The following GRM7 variants were observed in gnomAD, a reference collection of about 807,000 sequenced individuals.
GRM7 encodes the protein metabotropic glutamate receptor 7.
In GRM7, 35 loss-of-function variants were observed where a neutral mutation model predicts 84.5. The ratio of observed to expected loss-of-function variants is 0.41; its 90% confidence interval spans 0.32 to 0.55. The LOEUF is 0.55. GRM7 is among the 20% of genes least tolerant of loss of function. GRM7 has a pLI of 0.19. For synonymous variants in GRM7, 487 were observed against 455.1 expected, an observed-to-expected ratio of 1.07 and a Z score of -0.89; for missense variants, 1,003 against 1,194.6, an observed-to-expected ratio of 0.84 and a Z score of 2.36.
intron 1 of GRM7, among the ~76,000 whole-genome samples, chr3:6,997,971 T>C (rs1694879557): frequency 6.6e-6 from 1 of 151,224 alleles, no homozygotes; most frequent in East Asian, 1.9e-4. Flanking sequence ...AATATAAAAT[T>C]AGCTGGGTGT....
intron 5 of GRM7, 123 bp from the exon 6 acceptor site, chr3:7,452,484 T>G (rs11717759): frequency 0.012 from 8,331 of 705,998 alleles, 85 homozygotes; most frequent in Non-Finnish European, 0.016. Context: ...ATTACTGTAT[T>G]TATCGAAGCA....
At chr3:7,422,155 T>C (rs1213112386) in intron 5 of GRM7, among the ~76,000 whole-genome samples, 1 of 152,076 alleles carries the variant, frequency 6.6e-6, no homozygotes, top group Non-Finnish European at 1.5e-5. Flanking sequence ...TCCCTTTAGA[T>C]CAGGGCAGTG....
At chr3:7,607,906 C>G (rs1450717709) in intron 8 of GRM7, 2 of 167,946 alleles carry the variant, frequency 1.2e-5, no homozygotes, top group Non-Finnish European at 2.7e-5. Context: ...CAAGTAGGCC[C>G]CAGTGTCTTT....
chr3:7,332,961 C>A (rs1016048126), intron 4 of GRM7, among the ~76,000 whole-genome samples: 1 of 152,096 alleles, frequency 6.6e-6, no homozygotes, highest in East Asian at 1.9e-4. Flanking sequence ...AGGTACTTAT[C>A]CTAGCCAATG....
intron 2 of GRM7, among the ~76,000 whole-genome samples, chr3:7,233,547 A>G (rs1559517032): frequency 6.6e-6 from 1 of 152,158 alleles, no homozygotes; most frequent in Non-Finnish European, 1.5e-5. Context: ...CTGAGGAGAT[A>G]TAATAAAAGT....
At chr3:7,514,685 A>G (rs990015641) in intron 7 of GRM7, among the ~76,000 whole-genome samples, 1 of 152,138 alleles carries the variant, frequency 6.6e-6, no homozygotes, top group Non-Finnish European at 1.5e-5. Context: ...CCTTGTAAAA[A>G]CTATGGGGCT....
chr3:7,517,360 CTAT>C (rs71066017), intron 7 of GRM7, among the ~76,000 whole-genome samples: 41,586 of 88,980 alleles, frequency 0.47, 6,230 homozygotes, highest in East Asian at 0.54. Flanking sequence ...ACAGTGGTTA[CTAT>C]TATTATTAGT....
chr3:7,508,967 C>T (rs188786469), intron 7 of GRM7, among the ~76,000 whole-genome samples: 44 of 152,270 alleles, frequency 2.9e-4, no homozygotes, highest in African/African-American at 1.1e-3. Context: ...TGTGGTTTCA[C>T]TTTTCAAAGT....
chr3:7,110,451 AC>A (rs1455973575), intron 1 of GRM7, among the ~76,000 whole-genome samples: 2 of 151,906 alleles, frequency 1.3e-5, no homozygotes, highest in Non-Finnish European at 2.9e-5. Flanking sequence ...AAATAAAAAA[AC>A]TAGCTAGGTG....
chr3:7,215,729 T>C (rs1433758784), intron 2 of GRM7, among the ~76,000 whole-genome samples: 1 of 152,118 alleles, frequency 6.6e-6, no homozygotes, highest in East Asian at 1.9e-4. Context: ...GTAATATGTA[T>C]ATAAAAAGTG....
intron 4 of GRM7, among the ~76,000 whole-genome samples, chr3:7,340,142 C>A (rs185574420): frequency 2.6e-5 from 4 of 152,158 alleles, no homozygotes; most frequent in African/African-American, 9.6e-5. Context: ...TAATAAGGTT[C>A]TTTTAAACAA....
chr3:7,580,779 A>G (rs1228635118), intron 8 of GRM7, among the ~76,000 whole-genome samples: 2 of 152,148 alleles, frequency 1.3e-5, no homozygotes, highest in African/African-American at 2.4e-5. Context: ...TTCATAATCT[A>G]TGTTTACTGT....
chr3:7,668,269 T>C (rs756102442), intron 8 of GRM7, among the ~76,000 whole-genome samples: 5 of 152,220 alleles, frequency 3.3e-5, no homozygotes, highest in Non-Finnish European at 5.9e-5. Flanking sequence ...TCTGTGATTA[T>C]GCCAGGCATG....
chr3:7,306,677 T>TCTGG, intron 4 of GRM7, 25 bp downstream of exon 4: 2 of 1,556,032 alleles, frequency 1.3e-6, no homozygotes, highest in Non-Finnish European at 1.7e-6. Context: ...AGCAGTAGGT[T>TCTGG]TGCTGAGAGA....
chr3:7,134,952 T>A (rs1693724549), intron 1 of GRM7, among the ~76,000 whole-genome samples: 1 of 152,134 alleles, frequency 6.6e-6, no homozygotes, highest in African/African-American at 2.4e-5. Flanking sequence ...CACACAAAAC[T>A]ACTTGGATTT....
At chr3:7,414,886 A>ATTT (rs555467153) in intron 4 of GRM7, 137 bp from the exon 5 acceptor site, 70 of 454,340 alleles carry the variant, frequency 1.5e-4, no homozygotes, top group East Asian at 7.2e-4. Flanking sequence ...CCTTCTGTTA[A>ATTT]TTTTTTTTTT....
chr3:7,124,455 G>C (rs1356105791), intron 1 of GRM7, among the ~76,000 whole-genome samples: 2 of 152,170 alleles, frequency 1.3e-5, no homozygotes, highest in Admixed American at 6.5e-5. Flanking sequence ...GCAGTGAACT[G>C]AGATCGCACC....
chr3:7,526,397 T>C (rs1381938680), intron 7 of GRM7, among the ~76,000 whole-genome samples: 1 of 151,914 alleles, frequency 6.6e-6, no homozygotes, highest in Non-Finnish European at 1.5e-5. Context: ...TTTTTTTCCT[T>C]GATTTAAGTT....
chr3:7,237,030 C>A (rs184677604), intron 2 of GRM7, among the ~76,000 whole-genome samples: 5 of 152,012 alleles, frequency 3.3e-5, no homozygotes, highest in African/African-American at 9.7e-5. Flanking sequence ...ATATACAGCC[C>A]GGTCATCAGT....
Sources: gnomAD v4.1 joint callset for allele counts (sites outside exome capture counted in the v4.1 genomes callset) on GRCh38, gnomAD v4.1.1 for gene constraint, MANE v1.5 for transcripts, NCBI Gene and HGNC (gene_info 2026-07-23, HGNC 2026-07-21) for gene names.